CAPN2: variants seen among roughly 807,000 people sequenced by gnomAD.
CAPN2 encodes calpain-2 catalytic subunit.
A neutral mutation model predicts 102.3 loss-of-function variants in CAPN2; 92 were observed. That is an observed-to-expected ratio of 0.90 (90% CI 0.76 to 1.07). The LOEUF (loss-of-function observed/expected upper bound fraction) is 1.07, where lower values mean the gene tolerates loss of function less well. Among genes scored for constraint, CAPN2 ranks in the 50% least tolerant of loss-of-function variants. CAPN2 has a pLI of 0.00. For synonymous variants in CAPN2, 340 were observed against 355.4 expected (o/e 0.96, Z 0.49); for missense variants, 800 against 909.4 (o/e 0.88, Z 1.55).
Position 223,752,010 on chromosome 1 carries a change from A to G in CAPN2, c.913A>G (p.Asn305Asp), listed in dbSNP as rs1264145928. ...GRWNDNCPSWNTIDPEERERL... is the reference protein window; with the variant it reads ...GRWNDNCPSWDTIDPEERERL... ...TTTGTTTTCCAGCTGCCCAAGCTGG[A>G]ACACTATAGACCCAGAGGAGAGGGA... The change falls in exon 8 of 21, where the codon AAC becomes GAC. Residue 305 changes from asparagine (N) to aspartate (D), a missense_variant. Asn to Asp is a conservative substitution (Grantham distance 23). Transcript: ENST00000295006. The G allele has an allele frequency of 6.2e-7, 1 of 1,609,916 alleles. No individual in the cohort carries two copies. The highest frequency in any genetic ancestry group is 1.7e-5 in the Admixed American group (1 of 59,386).
intron 1 of CAPN2, 61 bp from the exon 2 acceptor site, chr1:223,717,701 A>C: frequency 7.4e-7 from 1 of 1,355,582 alleles, no homozygotes; most frequent in Non-Finnish European, 1.1e-6. Context: ...GAATGGAGGC[A>C]TCCTAGCTGC....
intron 2 of CAPN2, among the ~76,000 whole-genome samples, chr1:223,730,988 G>A (rs1260533513): frequency 2.6e-5 from 4 of 152,198 alleles, no homozygotes; most frequent in African/African-American, 9.7e-5. Context: ...TGTCCTCAGG[G>A]AGCTATGGAA....
intron 2 of CAPN2, among the ~76,000 whole-genome samples, chr1:223,742,496 G>GTA (rs1558068498): frequency 2.8e-5 from 3 of 105,294 alleles, no homozygotes; most frequent in African/African-American, 1.1e-4. Flanking sequence ...ATATATATGT[G>GTA]TGTATATATA....
Position 223,767,172 on chromosome 1 carries a change from CTTTATTTA to C in CAPN2, c.1755+757_1755+764del, listed in dbSNP as rs149877521. ...TTTGTCTGATCAAGATCGTCGTCTTCTTTATTTATTTATTTATTTATTTTTTATTATTA... is the reference window on the plus strand; with the variant it reads ...TTTGTCTGATCAAGATCGTCGTCTTCTTTATTTATTTATTTTTTATTATTA... On this transcript the variant is annotated intron_variant, in intron 16 of 20. Coordinates refer to ENST00000295006, the MANE Select transcript of CAPN2 (RefSeq NM_001748.5). Among the ~76,000 whole-genome samples, 315 of 150,684 alleles carry C rather than the reference CTTTATTTA, an allele frequency of 2.1e-3. 3 individuals carry two copies. The highest frequency in any genetic ancestry group is 5.8e-3 in the African/African-American group (236 of 40,810).
intron 1 of CAPN2, among the ~76,000 whole-genome samples, chr1:223,702,744 C>T (rs528818319): frequency 6.6e-6 from 1 of 151,986 alleles, no homozygotes; most frequent in Non-Finnish European, 1.5e-5. Flanking sequence ...CCAAGTGGCC[C>T]CTGTGACTGG....
intron 1 of CAPN2, among the ~76,000 whole-genome samples, chr1:223,707,164 A>G (rs958676633): frequency 6.6e-6 from 1 of 152,020 alleles, no homozygotes; most frequent in Non-Finnish European, 1.5e-5. Flanking sequence ...AAAATAATCT[A>G]AAGAAAAATA....
chr1:223,755,263 G>A lies in CAPN2; in HGVS notation c.1136-217G>A, dbSNP rs1055837700. On this transcript the variant is annotated intron_variant, in intron 9 of 20. Transcript: ENST00000295006. The surrounding 1 kb of genome is among the most constrained non-coding windows in gnomAD (Gnocchi z 4.1). ...CTCTTGCCAACTCCCACCATCTCCC[G>A]CCATTTTCTGACATCTCCCGCTGTC... Among the ~76,000 whole-genome samples, 11 of 149,732 alleles carry A rather than the reference G, an allele frequency of 7.3e-5. No individual in the cohort carries two copies. The highest frequency in any genetic ancestry group is 2.7e-4 in the African/African-American group (11 of 40,630).
intron 1 of CAPN2, among the ~76,000 whole-genome samples, chr1:223,706,946 A>AGTGAGCCCCT (rs1324301362): frequency 1.3e-5 from 2 of 151,912 alleles, no homozygotes; most frequent in African/African-American, 2.4e-5. Context: ...TGGGCATGGC[A>AGTGAGCCCCT]GTGAGCCCCT....
At chr1:223,729,073 C>A (rs1308691314) in intron 2 of CAPN2, among the ~76,000 whole-genome samples, 1 of 152,220 alleles carries the variant, frequency 6.6e-6, no homozygotes, top group Non-Finnish European at 1.5e-5. Flanking sequence ...TCTATTCCCC[C>A]ATTACTCCAA....
intron 2 of CAPN2, among the ~76,000 whole-genome samples, chr1:223,732,805 A>G (rs1398099838): frequency 6.6e-6 from 1 of 152,190 alleles, no homozygotes; most frequent in African/African-American, 2.4e-5. Flanking sequence ...CGTTAGCATT[A>G]TAATGACATG....
At chr1:223,737,857 G>A (rs1326159325) in intron 2 of CAPN2, among the ~76,000 whole-genome samples, 4 of 151,930 alleles carry the variant, frequency 2.6e-5, no homozygotes, top group Non-Finnish European at 4.4e-5. Flanking sequence ...AGCACCTTAG[G>A]GGCTACAGAT....
intron 1 of CAPN2, among the ~76,000 whole-genome samples, chr1:223,716,891 CAATT>C (rs1216848367): frequency 6.6e-6 from 1 of 152,060 alleles, no homozygotes; most frequent in Non-Finnish European, 1.5e-5. Flanking sequence ...GGTACTAAAT[CAATT>C]AGAGGCAGGG....
chr1:223,760,264 C>G (rs917570139), intron 12 of CAPN2, among the ~76,000 whole-genome samples: 4 of 152,138 alleles, frequency 2.6e-5, no homozygotes, highest in Non-Finnish European at 5.9e-5. Flanking sequence ...CCCTTGGACT[C>G]TGGGTCATGT....
chr1:223,721,336 G>T (rs546414085), intron 2 of CAPN2, among the ~76,000 whole-genome samples: 88 of 152,250 alleles, frequency 5.8e-4, no homozygotes, highest in Non-Finnish European at 8.8e-4. Flanking sequence ...ACTTGAAATG[G>T]CTCCCAAGGA....
At chr1:223,773,575 T>C (rs2102819104) in intron 20 of CAPN2, among the ~76,000 whole-genome samples, 1 of 152,120 alleles carries the variant, frequency 6.6e-6, no homozygotes, top group Non-Finnish European at 1.5e-5. Context: ...TGCCTGTTAA[T>C]CCCAGCTACT....
chr1:223,742,380 G>A (rs895844362), intron 2 of CAPN2, among the ~76,000 whole-genome samples: 3 of 151,694 alleles, frequency 2.0e-5, no homozygotes, highest in South Asian at 4.2e-4. Context: ...TGACAAGAGC[G>A]AGACTGTCTC....
chr1:223,749,155 CT>C, intron 6 of CAPN2, 33 bp downstream of exon 6: 5 of 1,577,620 alleles, frequency 3.2e-6, no homozygotes, highest in Non-Finnish European at 4.4e-6. Context: ...AGGGGTCCTG[CT>C]GTCCTGACAC....
chr1:223,747,293 A>G, intron 5 of CAPN2, 128 bp downstream of exon 5: 1 of 854,834 alleles, frequency 1.2e-6, no homozygotes, highest in Non-Finnish European at 1.7e-6. Context: ...GTAGGGGCCA[A>G]AGGAAAACCT....
At chr1:223,741,765 T>TTTTTC (rs201470769) in intron 2 of CAPN2, among the ~76,000 whole-genome samples, 3,563 of 151,512 alleles carry the variant, frequency 0.024, 145 homozygotes, top group African/African-American at 0.081. Flanking sequence ...CTCTTTTATC[T>TTTTTC]TTTTCTTTTC....
Sources: allele counts gnomAD v4.1 joint callset (sites outside exome capture counted in the v4.1 genomes callset), GRCh38; gene constraint gnomAD v4.1.1; non-coding constraint Gnocchi (gnomAD v3.1); transcripts MANE v1.5; gene names NCBI Gene and HGNC (gene_info 2026-07-23, HGNC 2026-07-21).